Variants in NTRK3 observed in about 807,000 individuals in gnomAD.
The protein encoded by NTRK3 is NT-3 growth factor receptor.
NTRK3 carries 24 observed loss-of-function variants against 91.7 expected under a neutral mutation model. The observed-to-expected ratio is 0.26, with a 90% CI of 0.19 to 0.37. The LOEUF (loss-of-function observed/expected upper bound fraction) is 0.37, where lower values mean the gene tolerates loss of function less well. NTRK3 is among the 10% of genes least tolerant of loss of function. NTRK3 has a pLI of 1.00. For missense variants in NTRK3, 880 were observed against 1,068.9 expected, an observed-to-expected ratio of 0.82 and a Z score of 2.46; for synonymous variants, 483 against 404.0, an observed-to-expected ratio of 1.20 and a Z score of -2.34.
chr15:88,207,740 C>T (rs2048916935), intron 3 of NTRK3, among the ~76,000 whole-genome samples: 1 of 152,210 alleles, frequency 6.6e-6, no homozygotes, highest in South Asian at 2.1e-4. Context: ...CCCCTCCTGG[C>T]TTCCCGGAGC....
chr15:87,878,478 C>T (rs940682705), intron 18 of NTRK3, among the ~76,000 whole-genome samples: 2 of 152,176 alleles, frequency 1.3e-5, no homozygotes, highest in South Asian at 2.1e-4. Flanking sequence ...TCTCCAGCTG[C>T]TTATATTCCC....
intron 13 of NTRK3, among the ~76,000 whole-genome samples, chr15:88,105,129 C>A (rs1034804909): frequency 2.0e-5 from 3 of 152,206 alleles, no homozygotes; most frequent in Admixed American, 6.5e-5. Flanking sequence ...ATAATTCAAA[C>A]TAAACTACAC....
chr15:87,919,654 G>T (rs940482382), intron 17 of NTRK3, among the ~76,000 whole-genome samples: 3 of 152,126 alleles, frequency 2.0e-5, no homozygotes, highest in Non-Finnish European at 2.9e-5. Flanking sequence ...AAAATACAAA[G>T]AAATTCTGTT....
chr15:88,023,415 T>G (rs1370213478), intron 14 of NTRK3, among the ~76,000 whole-genome samples: 1 of 152,076 alleles, frequency 6.6e-6, no homozygotes, highest in Non-Finnish European at 1.5e-5. Flanking sequence ...TGAAGAAAAA[T>G]CAGAGGGAGA....
chr15:87,870,559 G>T (rs1169786294), exon 19 of NTRK3: 5 of 207,534 alleles, frequency 2.4e-5, no homozygotes, highest in Non-Finnish European at 4.9e-5. Context: ...AACACTACCT[G>T]TTCCCCAATA....
At chr15:87,976,462 G>A (rs2141315738) in intron 14 of NTRK3, among the ~76,000 whole-genome samples, 1 of 152,220 alleles carries the variant, frequency 6.6e-6, no homozygotes, top group African/African-American at 2.4e-5. Context: ...GCTCCATCAG[G>A]GATTACTGGG....
At chr15:87,921,026 C>T (rs1055581628) in intron 17 of NTRK3, among the ~76,000 whole-genome samples, 8 of 152,214 alleles carry the variant, frequency 5.3e-5, no homozygotes, top group African/African-American at 1.4e-4. Context: ...TGGTTCCATA[C>T]GATGCCAACA....
chr15:87,904,539 C>T (rs2066641659), intron 17 of NTRK3, among the ~76,000 whole-genome samples: 1 of 152,178 alleles, frequency 6.6e-6, no homozygotes, highest in Non-Finnish European at 1.5e-5. Flanking sequence ...TCCCGGCGTA[C>T]TGCTGTAAAG....
At position 88,010,583 on chromosome 15, in the gene NTRK3, T is replaced by C. The variant is rs548182697; in HGVS notation, c.1585+22274A>G. On this transcript the variant is annotated intron_variant, in intron 14 of 18. Coordinates refer to ENST00000394480, the Ensembl canonical transcript of NTRK3. ...ATGAATAACATGGTGAAGATATTTA[T>C]ATATTACTAACAGATTTTATTCCTA... Among the ~76,000 whole-genome samples the C allele has an allele frequency of 6.6e-5, 10 of 152,334 alleles. No homozygotes were observed. The South Asian group carries it at 1.4e-3, about 22-fold the overall frequency.
At chr15:88,104,481 GA>G (rs2150909297) in intron 13 of NTRK3, among the ~76,000 whole-genome samples, 1 of 152,304 alleles carries the variant, frequency 6.6e-6, no homozygotes, top group Non-Finnish European at 1.5e-5. Flanking sequence ...CGAGGCTAAA[GA>G]TTACAGCTGC....
chr15:87,945,966 T>C (rs920456892), intron 14 of NTRK3, among the ~76,000 whole-genome samples: 3 of 152,230 alleles, frequency 2.0e-5, no homozygotes, highest in Non-Finnish European at 2.9e-5. Context: ...TTAAAATTTT[T>C]AGATAATAAA....
intron 5 of NTRK3, among the ~76,000 whole-genome samples, chr15:88,163,999 C>T (rs2044702177): frequency 1.3e-5 from 2 of 152,188 alleles, no homozygotes; most frequent in African/African-American, 4.8e-5. Context: ...TCTTAAAAGT[C>T]ATCTCTGCTC....
intron 14 of NTRK3, among the ~76,000 whole-genome samples, chr15:87,972,118 G>T (rs775102324): frequency 6.6e-6 from 1 of 152,188 alleles, no homozygotes; most frequent in Non-Finnish European, 1.5e-5. Flanking sequence ...ATGAACTTGA[G>T]GGCAAGGGAG....
chr15:87,987,079 A>C (rs2074877924), intron 14 of NTRK3, among the ~76,000 whole-genome samples: 1 of 152,258 alleles, frequency 6.6e-6, no homozygotes, highest in South Asian at 2.1e-4. Context: ...TTGGGTAAAA[A>C]TGAAGATGCT....
intron 13 of NTRK3, among the ~76,000 whole-genome samples, chr15:88,104,635 T>G (rs1489598748): frequency 6.6e-6 from 1 of 152,206 alleles, no homozygotes; most frequent in Non-Finnish European, 1.5e-5. Flanking sequence ...TTCCTGGCTG[T>G]CTGCCCTCTC....
At chr15:88,144,256 G>C (rs1034161935) in intron 6 of NTRK3, 15 of 152,178 alleles carry the variant, frequency 9.9e-5, no homozygotes, top group Admixed American at 9.8e-4. Flanking sequence ...AACTGTGCTG[G>C]TTACTCCAAT....
intron 14 of NTRK3, among the ~76,000 whole-genome samples, chr15:88,024,280 CTGA>C (rs1205080693): frequency 6.6e-6 from 1 of 152,136 alleles, no homozygotes; most frequent in African/African-American, 2.4e-5. Context: ...GCCTTGTGGG[CTGA>C]TATGTTAGAG....
At chr15:87,864,834 A>G (rs890131762) in exon 19 of NTRK3, 1 of 229,036 alleles carries the variant, frequency 4.4e-6, no homozygotes, top group African/African-American at 2.2e-5. Flanking sequence ...ACTGCATGCA[A>G]CTGCCCAGAG....
At chr15:87,979,562 G>A in intron 14 of NTRK3, 1 of 778,038 alleles carries the variant, frequency 1.3e-6, no homozygotes, top group East Asian at 2.6e-5. Context: ...AATAGAGAGG[G>A]AGCTTGAAAG....
Sources: allele counts gnomAD v4.1 joint callset (sites outside exome capture counted in the v4.1 genomes callset), GRCh38; gene constraint gnomAD v4.1.1; transcripts MANE v1.5; gene names NCBI Gene and HGNC (gene_info 2026-07-23, HGNC 2026-07-21).